LXN: variants seen among roughly 807,000 people sequenced by gnomAD.
The protein encoded by LXN is MUM.
A neutral mutation model predicts 29.8 loss-of-function variants in LXN; 28 were observed. That is an observed-to-expected ratio of 0.94 (90% CI 0.70 to 1.29). The LOEUF is 1.29. Among genes scored for constraint, LXN ranks in the 50% most tolerant of loss-of-function variants. The pLI is 0.00. For missense variants in LXN, 227 were observed against 261.7 expected (o/e 0.87, Z 0.92); for synonymous variants, 77 against 89.6 (o/e 0.86, Z 0.80).
In LXN at chr3:158,666,582, A is replaced by G; in HGVS notation, c.*64T>C. 1 of 1,436,932 alleles carries G rather than the reference A, an allele frequency of 7.0e-7. No individual in the cohort carries two copies. The highest frequency in any genetic ancestry group is 9.8e-7 in the Non-Finnish European group (1 of 1,021,658). 89.0% of individuals were successfully genotyped at this position (1,436,932 alleles called of 1,614,324 possible). On this transcript the variant is annotated 3_prime_UTR_variant, in exon 6 of 6. Coordinates refer to ENST00000264265, the MANE Select transcript of LXN (RefSeq NM_020169.4). ...GGGATTATTTGGCCTCATAAGCTAG[A>G]TGCCAGTGAAATTGGCATACACATC...
In LXN at chr3:158,669,256, TATGG is replaced by T. The variant is rs1724030656; in HGVS notation, c.371-128_371-125del. Reference sequence around the variant, plus strand: ...TGTGCAAAAAATAATTTAATTAAGCTATGGATCTATAAAATTTCTGAGGCCTCTT... The same window carrying T: ...TGTGCAAAAAATAATTTAATTAAGCTATCTATAAAATTTCTGAGGCCTCTT... On this transcript the variant is annotated intron_variant, in intron 3 of 5. Transcript: ENST00000264265. 1.4e-5 allele frequency: 17 copies of T among 1,223,866 alleles called. No homozygotes were observed. The South Asian group carries it at 2.3e-4, about 17-fold the overall frequency. 75.8% of individuals were successfully genotyped at this position (1,223,866 alleles called of 1,614,324 possible).
intron 1 of LXN, among the ~76,000 whole-genome samples, chr3:158,671,785 A>G (rs1361449313): frequency 1.3e-5 from 2 of 152,358 alleles, no homozygotes; most frequent in Admixed American, 1.3e-4. Flanking sequence ...GAGGGTGCAC[A>G]TCATTTAAGG....
At chr3:158,670,139 A>G (rs777072038) in intron 2 of LXN, among the ~76,000 whole-genome samples, 26 of 152,208 alleles carry the variant, frequency 1.7e-4, no homozygotes, top group Non-Finnish European at 3.1e-4. Context: ...CTCAACAGAA[A>G]GGCAAGCTTT....
chr3:158,669,303 A>C (rs780808004), intron 3 of LXN, 130 bp downstream of exon 3: 156 of 1,182,752 alleles, frequency 1.3e-4, no homozygotes, highest in Non-Finnish European at 1.7e-4. Context: ...GGATTGGATT[A>C]GAAATGAGTA....
At chr3:158,669,194 C>G in intron 3 of LXN, 62 bp from the exon 4 acceptor site, 1 of 1,453,440 alleles carries the variant, frequency 6.9e-7, no homozygotes, top group Non-Finnish European at 9.4e-7. Context: ...AAAACAAAAT[C>G]TAAATTCTAA....
chr3:158,668,567 C>T (rs764384956), intron 4 of LXN, among the ~76,000 whole-genome samples: 7 of 152,178 alleles, frequency 4.6e-5, no homozygotes, highest in Middle Eastern at 3.4e-3. Flanking sequence ...TTGACTAACC[C>T]GAAAGATTAA....
intron 3 of LXN, 38 bp downstream of exon 3, chr3:158,669,395 T>C: frequency 6.4e-7 from 1 of 1,560,044 alleles, no homozygotes; most frequent in East Asian, 2.3e-5. Flanking sequence ...ATTTTAAGTT[T>C]GAATCAAACA....
At chr3:158,667,116 C>A in intron 4 of LXN, 42 bp from the exon 5 acceptor site, 1 of 1,512,340 alleles carries the variant, frequency 6.6e-7, no homozygotes, top group Non-Finnish European at 8.9e-7. Flanking sequence ...AACTTAATAT[C>A]TTTGGCAAAA....
Position 158,669,014 on chromosome 3 carries a change from AATTTTTACCATTTTATACC to A in LXN, c.470_488del (p.Trp157PhefsTer16). ...TACTTACCACTTGCTTGACAGTTTG[AATTTTTACCATTTTATACC>A]ATGTGTCTTCAGTAGAATTTTGCCA... On this transcript the variant is annotated frameshift_variant, in exon 4 of 6. Transcript: ENST00000264265. LOFTEE classifies it high-confidence loss of function. 1 of 1,611,806 alleles carries A rather than the reference AATTTTTACCATTTTATACC, an allele frequency of 6.2e-7. No homozygotes were observed. Among genetic ancestry groups the A allele is most frequent in the South Asian group, 1.1e-5 (1 of 90,474 alleles).
Position 158,669,294 on chromosome 3 carries a change from G to C in LXN, c.370+139C>G. 2.5e-6 allele frequency: 3 copies of C among 1,177,282 alleles called. No individual in the cohort carries two copies. The East Asian group carries it at 7.8e-5, about 30-fold the overall frequency. The allele number at this position is 1,177,282 out of a possible 1,614,324, so 72.9% of individuals were successfully genotyped here. ...AATTTCTGAGGCCTCTTTTTTGTTG[G>C]ATTGGATTAGAAATGAGTATTTTTG... On this transcript the variant is annotated intron_variant, in intron 3 of 5. Transcript: ENST00000264265.
rs1409465210 is a variant in LXN at position 158,667,093 on chromosome 3, A to G, written c.508-19T>C. 1.3e-6 allele frequency: 2 copies of G among 1,569,508 alleles called. No homozygotes were observed. Among genetic ancestry groups the G allele is most frequent in the Non-Finnish European group, 8.6e-7 (1 of 1,162,858 alleles). On this transcript the variant is annotated intron_variant, in intron 4 of 5. Coordinates refer to ENST00000264265, the MANE Select transcript of LXN (RefSeq NM_020169.4). ...TTCTTTGCTATGACAAAAAATAAAA[A>G]CGTGTTGTTTAAAACTTAATATCTT...
Position 158,669,435 on chromosome 3 carries a change from G to T in LXN, c.368C>A (p.Pro123Gln). 1 of 1,608,216 alleles carries T rather than the reference G, an allele frequency of 6.2e-7. No individual in the cohort carries two copies. Reference sequence around the variant, plus strand: ...GTTTTCATGCCATATTTATATACCTGGAATATTTTGTGCTTCTAGCGGTTC... The same window carrying T: ...GTTTTCATGCCATATTTATATACCTTGAATATTTTGTGCTTCTAGCGGTTC... ...MKEPLEAQNI[P>Q]DNFGNVSPEM... The change falls in exon 3 of 6, where the codon CCA becomes CAA. Residue 123 changes from proline (P) to glutamine (Q), a missense_variant and splice_region_variant. Transcript: ENST00000264265.
intron 1 of LXN, 43 bp from the exon 2 acceptor site, chr3:158,671,062 C>T: frequency 2.1e-6 from 3 of 1,450,696 alleles, no homozygotes; most frequent in East Asian, 2.6e-5. Context: ...AATATTATAA[C>T]AACATTATAC....
chr3:158,668,781 T>C (rs916661876), intron 4 of LXN, among the ~76,000 whole-genome samples: 1 of 152,198 alleles, frequency 6.6e-6, no homozygotes, highest in African/African-American at 2.4e-5. Flanking sequence ...CTCAGCCAAA[T>C]CAAACAACTT....
intron 1 of LXN, 25 bp downstream of exon 1, chr3:158,672,325 G>C: frequency 6.2e-7 from 1 of 1,612,286 alleles, no homozygotes; most frequent in Non-Finnish European, 8.5e-7. Context: ...AGCCTCTGCT[G>C]TCCACCACCC....
At chr3:158,669,324 A>G (rs576356945) in intron 3 of LXN, 109 bp downstream of exon 3, 453 of 1,265,618 alleles carry the variant, frequency 3.6e-4, no homozygotes, top group Non-Finnish European at 4.7e-4. Flanking sequence ...TTTTTGCAAA[A>G]GCCTGTAAGT....
intron 3 of LXN, 72 bp from the exon 4 acceptor site, chr3:158,669,204 A>T: frequency 6.9e-7 from 1 of 1,443,264 alleles, no homozygotes; most frequent in Non-Finnish European, 9.4e-7. Context: ...CTAAATTCTA[A>T]ATCATGTCTT....
At chr3:158,669,245 TTTAA>T (rs1724029101) in intron 3 of LXN, 113 bp from the exon 4 acceptor site, 21 of 1,282,332 alleles carry the variant, frequency 1.6e-5, no homozygotes, top group South Asian at 4.2e-5. Context: ...CAAAAAATAA[TTTAA>T]TTAAGCTATG....
chr3:158,666,955 T>A (rs1723752602), intron 5 of LXN, 57 bp downstream of exon 5: 9 of 1,561,098 alleles, frequency 5.8e-6, no homozygotes, highest in Non-Finnish European at 7.8e-6. Flanking sequence ...ATACTGTGGC[T>A]ATACAAGGAG....
Sources: allele counts gnomAD v4.1 joint callset (sites outside exome capture counted in the v4.1 genomes callset), GRCh38; gene constraint gnomAD v4.1.1; transcripts MANE v1.5; gene names NCBI Gene and HGNC (gene_info 2026-07-23, HGNC 2026-07-21).